Variants in DCDC2C observed in about 807,000 individuals in gnomAD.
DCDC2C encodes doublecortin domain containing 2C.
Under a neutral mutation model 45.0 loss-of-function variants are expected in DCDC2C, and 44 were observed. The observed-to-expected ratio is 0.98, with a 90% CI of 0.77 to 1.26. DCDC2C has a LOEUF of 1.26. Ranked by LOEUF, DCDC2C falls within the 50% of genes most tolerant of loss-of-function variation. The probability of loss-of-function intolerance (pLI) is 0.00; values close to 1 mark genes in which losing one functional copy is unlikely to be tolerated. For synonymous variants in DCDC2C, 187 were observed against 178.8 expected, an observed-to-expected ratio of 1.05 and a Z score of -0.37; for missense variants, 447 against 468.9, an observed-to-expected ratio of 0.95 and a Z score of 0.43.
rs13008238 is a variant in DCDC2C at position 3,775,173 on chromosome 2, G to C, written c.955-3643G>C. On this transcript the variant is annotated intron_variant, in intron 8 of 10. Transcript: ENST00000399143. The stretch of plus-strand genomic sequence containing the variant: ...GGCTGTGAGCTAGGCAGCTGTGGCT[G>C]TGGGCTAGGCAGCTGTGGCTCTGAG... Among the ~76,000 whole-genome samples the C allele has an allele frequency of 8.0e-3, 587 of 73,248 alleles. 1 individual carries two copies. The highest frequency in any genetic ancestry group is 8.2e-3 in the Non-Finnish European group (298 of 36,396). 48.1% of individuals were successfully genotyped at this position (73,248 alleles called of 152,430 possible).
chr2:3,765,639 A>C (rs1341647423), intron 6 of DCDC2C, among the ~76,000 whole-genome samples: 1 of 152,188 alleles, frequency 6.6e-6, no homozygotes, highest in African/African-American at 2.4e-5. Context: ...CTGTTCAGTT[A>C]ACAAATATTT....
intron 10 of DCDC2C, among the ~76,000 whole-genome samples, chr2:3,827,823 C>T (rs551014029): frequency 5.3e-5 from 8 of 152,118 alleles, no homozygotes; most frequent in Admixed American, 6.5e-5. Context: ...GGCCCCAGAT[C>T]GCCACCTAGT....
intron 8 of DCDC2C, among the ~76,000 whole-genome samples, chr2:3,777,010 C>T (rs1024495760): frequency 6.6e-6 from 1 of 152,198 alleles, no homozygotes; most frequent in Admixed American, 6.5e-5. Flanking sequence ...CCCTCTCTGC[C>T]TGTGTTACCA....
At chr2:3,791,634 T>C (rs1670813027) in intron 10 of DCDC2C, among the ~76,000 whole-genome samples, 1 of 152,138 alleles carries the variant, frequency 6.6e-6, no homozygotes, top group Non-Finnish European at 1.5e-5. Context: ...TCATCCTCTT[T>C]CCCTCTCCCC....
chr2:3,807,961 T>A (rs567735728), intron 10 of DCDC2C, among the ~76,000 whole-genome samples: 39 of 152,312 alleles, frequency 2.6e-4, no homozygotes, highest in African/African-American at 9.4e-4. Flanking sequence ...TCATTCCCCA[T>A]TGAAGGACAT....
chr2:3,812,409 C>T (rs1002681434), intron 10 of DCDC2C, among the ~76,000 whole-genome samples: 15 of 151,964 alleles, frequency 9.9e-5, no homozygotes, highest in South Asian at 2.1e-4. Flanking sequence ...GTTTGTATTT[C>T]GGTGGGGTCA....
intron 8 of DCDC2C, among the ~76,000 whole-genome samples, chr2:3,776,689 T>C (rs1413079820): frequency 6.6e-6 from 1 of 152,230 alleles, no homozygotes; most frequent in Non-Finnish European, 1.5e-5. Context: ...GTCCTCTCTA[T>C]GTGATATAAA....
intron 9 of DCDC2C, among the ~76,000 whole-genome samples, 193 bp from the exon 10 acceptor site, chr2:3,784,866 G>C (rs1428729395): frequency 6.6e-6 from 1 of 152,212 alleles, no homozygotes; most frequent in Non-Finnish European, 1.5e-5. Context: ...AAAATGGAAG[G>C]AAGTAGGAGG....
intron 10 of DCDC2C, among the ~76,000 whole-genome samples, chr2:3,793,886 C>G (rs1380726777): frequency 6.6e-6 from 1 of 152,102 alleles, no homozygotes; most frequent in Non-Finnish European, 1.5e-5. Flanking sequence ...TTAATGCAGT[C>G]TTTCTATTTT....
chr2:3,719,503 C>G (rs183236986), intron 2 of DCDC2C, among the ~76,000 whole-genome samples: 16 of 152,270 alleles, frequency 1.1e-4, no homozygotes, highest in African/African-American at 3.6e-4. Context: ...TCTTTCCTGC[C>G]TTTTCTAGTA....
chr2:3,709,513 C>T (rs934433927), intron 2 of DCDC2C, among the ~76,000 whole-genome samples: 1 of 152,228 alleles, frequency 6.6e-6, no homozygotes, highest in African/African-American at 2.4e-5. Context: ...TTGGAGTCTG[C>T]CCTTGAGGGC....
In DCDC2C at chr2:3,837,211, G is replaced by A. The variant is rs1294475570; in HGVS notation, c.1066-9943G>A. Among the ~76,000 whole-genome samples the A allele has an allele frequency of 2.6e-5, 4 of 152,288 alleles. No homozygotes were observed. In the East Asian group the frequency reaches 7.7e-4, roughly 29 times the overall value. ...CCTCTTCAGGTGAAAACGGTATTCG[G>A]AGTTTTGCTAAATCTGCTAAGGAGT... On this transcript the variant is annotated intron_variant, in intron 10 of 10. Transcript: ENST00000399143.
At chr2:3,785,737 A>G (rs192447919) in intron 10 of DCDC2C, among the ~76,000 whole-genome samples, 27 of 152,242 alleles carry the variant, frequency 1.8e-4, no homozygotes, top group Admixed American at 1.8e-3. Flanking sequence ...TTTTGTCTGA[A>G]TGTGTCAAGT....
intron 10 of DCDC2C, among the ~76,000 whole-genome samples, chr2:3,787,046 T>C (rs1670675304): frequency 6.6e-6 from 1 of 152,338 alleles, no homozygotes; most frequent in Non-Finnish European, 1.5e-5. Flanking sequence ...GAAATCAGTG[T>C]AATCCATTTG....
At chr2:3,748,844 A>G (rs1669452269) in intron 4 of DCDC2C, among the ~76,000 whole-genome samples, 1 of 152,104 alleles carries the variant, frequency 6.6e-6, no homozygotes, top group African/African-American at 2.4e-5. Flanking sequence ...CTGTCTGATA[A>G]ATCTCTGCTT....
intron 10 of DCDC2C, among the ~76,000 whole-genome samples, chr2:3,846,008 A>G (rs746852501): frequency 6.6e-6 from 1 of 152,170 alleles, no homozygotes; most frequent in Non-Finnish European, 1.5e-5. Context: ...ACTGTGAGGT[A>G]CCTGTAGGGG....
At position 3,766,299 on chromosome 2, in the gene DCDC2C, T is replaced by C. The variant is rs113650207; in HGVS notation, c.727-1455T>C. 2.9e-4 allele frequency among the ~76,000 whole-genome samples: 43 copies of C among 146,490 alleles called. 1 individual carries two copies. Among genetic ancestry groups the C allele is most frequent in the Non-Finnish European group, 7.5e-5 (5 of 66,536 alleles). ...CCACATACACACTCATACATACACATACACACACACGCACACACACACACA... is the reference window on the plus strand; with the variant it reads ...CCACATACACACTCATACATACACACACACACACACGCACACACACACACA... On this transcript the variant is annotated intron_variant, in intron 6 of 10. Transcript: ENST00000399143.
At position 3,746,142 on chromosome 2, in the gene DCDC2C, C is replaced by T. The variant is rs189884942; in HGVS notation, c.545+4094C>T. Among the ~76,000 whole-genome samples, 517 of 152,250 alleles carry T rather than the reference C, an allele frequency of 3.4e-3. 4 individuals carry two copies. The highest frequency in any genetic ancestry group is 0.011 in the African/African-American group (448 of 41,546). ...GCAGAGCAGTCTCGGTCCTCAGCCC[C>T]ACTGCAGCCCAGCAGAGAGGAAACA... On this transcript the variant is annotated intron_variant, in intron 4 of 10. Coordinates refer to ENST00000399143, the MANE Select transcript of DCDC2C (RefSeq NM_001287444.2).
chr2:3,818,858 ATTTAG>A lies in DCDC2C; in HGVS notation c.1066-28293_1066-28289del, dbSNP rs1166463019. 6.6e-6 allele frequency among the ~76,000 whole-genome samples: 1 copy of A among 152,126 alleles called. No homozygotes were observed. The highest frequency in any genetic ancestry group is 2.4e-5 in the African/African-American group (1 of 41,408). On this transcript the variant is annotated intron_variant, in intron 10 of 10. Transcript: ENST00000399143. This position sits in a 1 kb window ranked among gnomAD's most constrained non-coding sequence, Gnocchi z 4.7. ...CCAGGAATAGTCAGGGAAGTAGATA[ATTTAG>A]TTAAAATGTTTCAGTTAATAAGGGA...
Sources: gnomAD v4.1 joint callset for allele counts (sites outside exome capture counted in the v4.1 genomes callset) on GRCh38, gnomAD v4.1.1 for gene constraint, Gnocchi (gnomAD v3.1) non-coding constraint, MANE v1.5 for transcripts, NCBI Gene and HGNC (gene_info 2026-07-23, HGNC 2026-07-21) for gene names.